Variants in FZD3 observed in about 807,000 individuals in gnomAD.
FZD3 encodes frizzled-3.
In FZD3, 30 loss-of-function variants were observed where a neutral mutation model predicts 60.7. The observed-to-expected ratio is 0.49, with a 90% CI of 0.37 to 0.67. FZD3 has a LOEUF of 0.67. FZD3 is among the 30% of genes least tolerant of loss of function. FZD3 has a pLI of 0.00. For synonymous variants in FZD3, 246 were observed against 275.2 expected (o/e 0.89, Z 1.05); for missense variants, 605 against 838.7 (o/e 0.72, Z 3.44).
chr8:28,541,498 A>C (rs1453784568), intron 5 of FZD3, among the ~76,000 whole-genome samples: 1 of 152,218 alleles, frequency 6.6e-6, no homozygotes, highest in Non-Finnish European at 1.5e-5. Flanking sequence ...CAATATTTCT[A>C]ATTTACACAG....
rs1410038017 is a variant in FZD3, at chr8:28,564,320, T to C, written c.*1309T>C. ...AAGAAAAATGCTGGAACATGCTTGA[T>C]GTATTATGTAAAAAGCATATTTAAA... On this transcript the variant is annotated 3_prime_UTR_variant, in exon 8 of 8. Transcript: ENST00000240093. 6.6e-6 allele frequency: 1 copy of C among 152,014 alleles called. No individual in the cohort carries two copies. Among genetic ancestry groups the C allele is most frequent in the Admixed American group, 6.6e-5 (1 of 15,240 alleles). 9.4% of individuals were successfully genotyped at this position (152,014 alleles called of 1,614,324 possible).
chr8:28,561,187 G>A (rs1334997628), intron 7 of FZD3, among the ~76,000 whole-genome samples: 1 of 152,076 alleles, frequency 6.6e-6, no homozygotes, highest in African/African-American at 2.4e-5. Context: ...CTCCCGAGTA[G>A]CTGGGATTAC....
At chr8:28,530,366 T>G (rs1804836710) in intron 5 of FZD3, 2 of 152,054 alleles carry the variant, frequency 1.3e-5, no homozygotes, top group Admixed American at 1.3e-4. Flanking sequence ...CTCCTAGGGT[T>G]GTTTTTAGGA....
chr8:28,518,234 T>G (rs1804484289), intron 3 of FZD3, among the ~76,000 whole-genome samples: 1 of 151,802 alleles, frequency 6.6e-6, no homozygotes, highest in Non-Finnish European at 1.5e-5. Context: ...TTTTTTTTTT[T>G]TTTTAAGTAG....
intron 4 of FZD3, among the ~76,000 whole-genome samples, chr8:28,524,174 C>T (rs935399638): frequency 6.6e-6 from 1 of 152,140 alleles, no homozygotes; most frequent in Non-Finnish European, 1.5e-5. Flanking sequence ...TGGACACCCC[C>T]AGAATTTTTA....
Position 28,573,479 on chromosome 8 carries a change from A to C in FZD3, c.*10468A>C, listed in dbSNP as rs1245788188. The C allele has an allele frequency of 6.6e-6, 1 of 151,904 alleles. No homozygotes were observed. The highest frequency in any genetic ancestry group is 1.5e-5 in the Non-Finnish European group (1 of 67,990). The allele number at this position is 151,904 out of a possible 1,614,324, so 9.4% of individuals were successfully genotyped here. On this transcript the variant is annotated 3_prime_UTR_variant, in exon 8 of 8. Coordinates refer to ENST00000240093, the MANE Select transcript of FZD3 (RefSeq NM_017412.4). ...TTTGCCCAAACCCATGTGATGTCTGAAACTACTGTATATTTTCAATGACCT... is the reference window on the plus strand; with the variant it reads ...TTTGCCCAAACCCATGTGATGTCTGCAACTACTGTATATTTTCAATGACCT...
At chr8:28,562,236 C>T (rs1396137960) in intron 7 of FZD3, among the ~76,000 whole-genome samples, 1 of 152,140 alleles carries the variant, frequency 6.6e-6, no homozygotes, top group Non-Finnish European at 1.5e-5. Flanking sequence ...GTAGTTAATT[C>T]AGTTGTTAAC....
Position 28,568,061 on chromosome 8 carries a change from CTA to C in FZD3, c.*5052_*5053del, listed in dbSNP as rs1805736311. On this transcript the variant is annotated 3_prime_UTR_variant, in exon 8 of 8. Coordinates refer to ENST00000240093, the MANE Select transcript of FZD3 (RefSeq NM_017412.4). The stretch of plus-strand genomic sequence containing the variant: ...AAACTTTAAATTTTAAGTCATCACA[CTA>C]TGAGAATTGTTTGTACACATTTATA... 1 of 152,056 alleles carries C rather than the reference CTA, an allele frequency of 6.6e-6. No individual in the cohort carries two copies. Among genetic ancestry groups the C allele is most frequent in the African/African-American group, 2.4e-5 (1 of 41,396 alleles). The allele number at this position is 152,056 out of a possible 1,614,324, so 9.4% of individuals were successfully genotyped here.
chr8:28,546,502 C>G (rs780161176), intron 5 of FZD3, among the ~76,000 whole-genome samples: 4 of 152,088 alleles, frequency 2.6e-5, no homozygotes, highest in Non-Finnish European at 5.9e-5. Context: ...TTTAAACAAT[C>G]CCCTATTGTT....
rs372374690 is a variant in FZD3 at position 28,539,834 on chromosome 8, A to T, written c.1404+11670A>T. Among the ~76,000 whole-genome samples, 15 of 139,730 alleles carry T rather than the reference A, an allele frequency of 1.1e-4. 1 individual carries two copies. The East Asian group carries it at 2.2e-3, about 20-fold the overall frequency. The allele number at this position is 139,730 out of a possible 152,430, so 91.7% of individuals were successfully genotyped here. On this transcript the variant is annotated intron_variant, in intron 5 of 7. Transcript: ENST00000240093. ...CTAAGGTCTCAAAAACAAGTATTGAATTTAGGCCATCACAATAATTAAAAA... is the reference window on the plus strand; with the variant it reads ...CTAAGGTCTCAAAAACAAGTATTGATTTTAGGCCATCACAATAATTAAAAA...
rs992464505 is a variant in FZD3 at position 28,564,072 on chromosome 8, C to T, written c.*1061C>T. 1 of 152,560 alleles carries T rather than the reference C, an allele frequency of 6.6e-6. No individual in the cohort carries two copies. The highest frequency in any genetic ancestry group is 2.4e-5 in the African/African-American group (1 of 41,434). The allele number at this position is 152,560 out of a possible 1,614,324, so 9.5% of individuals were successfully genotyped here. On this transcript the variant is annotated 3_prime_UTR_variant, in exon 8 of 8. Transcript: ENST00000240093. ...TGCCCCACACCCTTATTTTCAGATT[C>T]TGGATCATTCTTGTTTACAACTGAA...
chr8:28,518,997 G>A (rs1804503493), intron 3 of FZD3, among the ~76,000 whole-genome samples: 1 of 152,162 alleles, frequency 6.6e-6, no homozygotes, highest in African/African-American at 2.4e-5. Context: ...CTAATACAGA[G>A]TACTCTTTCT....
intron 1 of FZD3, among the ~76,000 whole-genome samples, chr8:28,499,693 A>T (rs1234368383): frequency 6.6e-6 from 1 of 151,776 alleles, no homozygotes; most frequent in Non-Finnish European, 1.5e-5. Context: ...TTCTATCATT[A>T]TTGTTTTTTC....
chr8:28,508,725 A>G (rs1228790490), intron 3 of FZD3, among the ~76,000 whole-genome samples: 3 of 151,914 alleles, frequency 2.0e-5, no homozygotes, highest in Admixed American at 6.6e-5. Flanking sequence ...GGGTTTCACC[A>G]TGTTGCCAAG....
chr8:28,539,517 T>G (rs1805106600), intron 5 of FZD3, among the ~76,000 whole-genome samples: 1 of 152,174 alleles, frequency 6.6e-6, no homozygotes, highest in Non-Finnish European at 1.5e-5. Flanking sequence ...ACAGTAAAGG[T>G]TGCTAAGCAG....
At chr8:28,547,960 C>A (rs1805332815) in intron 5 of FZD3, among the ~76,000 whole-genome samples, 1 of 151,416 alleles carries the variant, frequency 6.6e-6, no homozygotes, top group Non-Finnish European at 1.5e-5. Context: ...TCAAGCAATT[C>A]TTCAGTCTCA....
At chr8:28,515,798 C>G (rs1346093627) in intron 3 of FZD3, among the ~76,000 whole-genome samples, 1 of 152,188 alleles carries the variant, frequency 6.6e-6, no homozygotes, top group Admixed American at 6.5e-5. Context: ...CAGCTGAAAC[C>G]AATTATTATT....
rs1805673868 is a variant in FZD3, at chr8:28,564,611, TCTGCACCTGATGC to T, written c.*1602_*1614del. ...ATATCATTATCTAATATTCAGTTGT[TCTGCACCTGATGC>T]CAAATTCTGGGCTGTACTCCTAGAG... On this transcript the variant is annotated 3_prime_UTR_variant, in exon 8 of 8. Transcript: ENST00000240093. 1 of 152,202 alleles carries T rather than the reference TCTGCACCTGATGC, an allele frequency of 6.6e-6. No homozygotes were observed. Among genetic ancestry groups the T allele is most frequent in the African/African-American group, 2.4e-5 (1 of 41,446 alleles). 9.4% of individuals were successfully genotyped at this position (152,202 alleles called of 1,614,324 possible).
At chr8:28,549,569 C>G (rs991017353) in intron 5 of FZD3, among the ~76,000 whole-genome samples, 8 of 151,910 alleles carry the variant, frequency 5.3e-5, no homozygotes, top group Non-Finnish European at 2.9e-5. Flanking sequence ...TTTCTTTTAT[C>G]TAATTGCAGT....
Sources: allele counts gnomAD v4.1 joint callset (sites outside exome capture counted in the v4.1 genomes callset), GRCh38; gene constraint gnomAD v4.1.1; transcripts MANE v1.5; gene names NCBI Gene and HGNC (gene_info 2026-07-23, HGNC 2026-07-21).